Variants in SYN3 observed in about 807,000 individuals in gnomAD.
SYN3 encodes synapsin III, also known as synapsin-3.
In SYN3, 35 loss-of-function variants were observed where a neutral mutation model predicts 65.8. The observed-to-expected ratio is 0.53, with a 90% CI of 0.41 to 0.70. The LOEUF (loss-of-function observed/expected upper bound fraction) is 0.70, where lower values mean the gene tolerates loss of function less well. Among genes scored for constraint, SYN3 ranks in the 30% least tolerant of loss-of-function variants. The pLI, the probability that SYN3 is intolerant of heterozygous loss-of-function variation, is 0.00. For missense variants in SYN3, 680 were observed against 749.0 expected (o/e 0.91, Z 1.08); for synonymous variants, 270 against 292.9 (o/e 0.92, Z 0.80).
At position 32,673,098 on chromosome 22, in the gene SYN3, A is replaced by G. The variant is rs367777301; in HGVS notation, c.712-76362T>C. On this transcript the variant is annotated intron_variant, in intron 6 of 13. Transcript: ENST00000358763. ...GGTGTTGAGAAAAACACAAAACAAT[A>G]ACTCTTCCTTTCGCCTCCTAAGAAG... 4.1e-3 allele frequency among the ~76,000 whole-genome samples: 618 copies of G among 152,290 alleles called. 1 individual carries two copies. Among genetic ancestry groups the G allele is most frequent in the African/African-American group, 0.014 (573 of 41,558 alleles).
At chr22:32,575,497 A>G (rs898048827) in intron 7 of SYN3, among the ~76,000 whole-genome samples, 9 of 152,300 alleles carry the variant, frequency 5.9e-5, no homozygotes, top group African/African-American at 2.2e-4. Context: ...TGCCTCAGCT[A>G]CCTGCCCCTG....
At chr22:32,743,790 T>C (rs548776134) in intron 6 of SYN3, among the ~76,000 whole-genome samples, 8 of 152,094 alleles carry the variant, frequency 5.3e-5, no homozygotes, top group Non-Finnish European at 1.2e-4. Flanking sequence ...CTGAGGCAAC[T>C]GCAGAAGGCA....
At position 32,518,244 on chromosome 22, in the gene SYN3, C is replaced by T. The variant is rs5998526; in HGVS notation, c.1409G>A (p.Ser470Asn). The T allele has an allele frequency of 0.016, 25,231 of 1,613,380 alleles. 1,867 individuals are homozygous for T. The African/African-American group carries it at 0.21, about 13-fold the overall frequency. The change falls in exon 13 of 14, where the codon AGC (serine) becomes AAC (asparagine). Residue 470 changes from serine to asparagine, a missense_variant. Transcript: ENST00000358763. ...CTGCTGTGGAGATCCGGACTGGGGGCTCAGGGGCTGCTGGCCTTGTGGGGA... is the reference window on the plus strand; with the variant it reads ...CTGCTGTGGAGATCCGGACTGGGGGTTCAGGGGCTGCTGGCCTTGTGGGGA... Reference protein sequence around the residue: ...RLSPQGQQPLSPQSGSPQQQR... With the variant: ...RLSPQGQQPLNPQSGSPQQQR...
chr22:32,536,054 G>C (rs2058159928), intron 9 of SYN3, among the ~76,000 whole-genome samples: 1 of 152,242 alleles, frequency 6.6e-6, no homozygotes. Context: ...GGTTCCTCCA[G>C]GGATGGCCCA....
In SYN3 at chr22:32,714,915, G is replaced by A. The variant is rs999711787; in HGVS notation, c.712-118179C>T. Among the ~76,000 whole-genome samples the A allele has an allele frequency of 2.0e-5, 3 of 152,288 alleles. No individual in the cohort carries two copies. The East Asian group carries it at 5.8e-4, about 29-fold the overall frequency. ...AGCATATAGTAGATGCTCAATGAAT[G>A]TAAGTTCTTCCCGCTCATCTCCCAT... On this transcript the variant is annotated intron_variant, in intron 6 of 13. Transcript: ENST00000358763.
At chr22:32,946,791 T>C (rs902482660) in intron 3 of SYN3, among the ~76,000 whole-genome samples, 5 of 152,208 alleles carry the variant, frequency 3.3e-5, no homozygotes, top group South Asian at 2.1e-4. Flanking sequence ...TCTGATTGTT[T>C]TAGGGGGGAA....
rs540343928 is a variant in SYN3 at position 32,513,896 on chromosome 22, G to A, written c.1611-72C>T. 3.2e-6 allele frequency: 5 copies of A among 1,583,436 alleles called. 1 individual carries two copies. In the African/African-American group the frequency reaches 4.0e-5, roughly 13 times the overall value. ...TCAAAGAAATGGGTCTTGGGGGCTT[G>A]CCTGTAAGCCAGATGGGCTACCCCA... On this transcript the variant is annotated intron_variant, in intron 13 of 13. Coordinates refer to ENST00000358763, the MANE Select transcript of SYN3 (RefSeq NM_003490.4).
At chr22:32,641,607 C>CAAAAAAAAAAA (rs34461957) in intron 6 of SYN3, among the ~76,000 whole-genome samples, 1 of 67,962 alleles carries the variant, frequency 1.5e-5, no homozygotes, top group Non-Finnish European at 2.6e-5. Context: ...GACTCCATCT[C>CAAAAAAAAAAA]AAAAAAAAAA....
intron 1 of SYN3, among the ~76,000 whole-genome samples, chr22:33,028,100 C>A (rs1352311326): frequency 6.6e-6 from 1 of 152,158 alleles, no homozygotes; most frequent in Admixed American, 6.5e-5. Flanking sequence ...GTTTTAATTA[C>A]AGAATGTTGC....
chr22:32,731,565 T>C (rs748071611), intron 6 of SYN3, among the ~76,000 whole-genome samples: 10 of 152,152 alleles, frequency 6.6e-5, no homozygotes, highest in Non-Finnish European at 1.3e-4. Context: ...CCAGCAGTGA[T>C]GTCAAGGCCA....
chr22:32,941,910 C>T (rs9609661), intron 3 of SYN3, among the ~76,000 whole-genome samples: 1,979 of 152,306 alleles, frequency 0.013, 17 homozygotes, highest in Non-Finnish European at 0.021. Flanking sequence ...GAGGGGCATC[C>T]GCCATTGCTA....
chr22:33,013,011 G>T (rs1434139951), intron 1 of SYN3, among the ~76,000 whole-genome samples: 1 of 152,078 alleles, frequency 6.6e-6, no homozygotes, highest in African/African-American at 2.4e-5. Context: ...TTCAACTTAG[G>T]CTATGCCGTC....
chr22:32,572,273 C>CTTCCTTT (rs1424840920), intron 7 of SYN3, among the ~76,000 whole-genome samples: 2 of 71,258 alleles, frequency 2.8e-5, no homozygotes, highest in African/African-American at 1.8e-4. Context: ...CTTCCTTCCC[C>CTTCCTTT]CCTCCCTCCC....
At chr22:32,809,770 C>T (rs2046863247) in intron 6 of SYN3, among the ~76,000 whole-genome samples, 1 of 152,158 alleles carries the variant, frequency 6.6e-6, no homozygotes, top group Non-Finnish European at 1.5e-5. Flanking sequence ...CTCATGGGTT[C>T]CTGGGTGATT....
At chr22:32,970,235 T>A (rs1347734904) in intron 3 of SYN3, among the ~76,000 whole-genome samples, 1 of 152,156 alleles carries the variant, frequency 6.6e-6, no homozygotes, top group African/African-American at 2.4e-5. Flanking sequence ...AACTGAGGCA[T>A]GGGGCAGTTA....
At chr22:32,562,688 C>T (rs1053739008) in intron 7 of SYN3, among the ~76,000 whole-genome samples, 3 of 152,356 alleles carry the variant, frequency 2.0e-5, no homozygotes, top group South Asian at 2.1e-4. Flanking sequence ...GCCTCCCAGG[C>T]GAGATTCCAG....
chr22:32,747,229 T>A (rs1335736491), intron 6 of SYN3, among the ~76,000 whole-genome samples: 2 of 152,154 alleles, frequency 1.3e-5, no homozygotes, highest in Non-Finnish European at 2.9e-5. Flanking sequence ...CGAAGTGACT[T>A]GCCAGAAGTC....
chr22:33,012,046 G>GT (rs1428373900), intron 1 of SYN3, among the ~76,000 whole-genome samples: 2 of 151,922 alleles, frequency 1.3e-5, no homozygotes, highest in Non-Finnish European at 2.9e-5. Context: ...ACTTATTTCT[G>GT]TTTTTTATTA....
chr22:32,522,310 A>C (rs980865465), intron 12 of SYN3, among the ~76,000 whole-genome samples: 1 of 152,126 alleles, frequency 6.6e-6, no homozygotes, highest in Non-Finnish European at 1.5e-5. Flanking sequence ...TTGTTTTTCA[A>C]CTCACTAAAA....
Sources: gnomAD v4.1 joint callset for allele counts (sites outside exome capture counted in the v4.1 genomes callset) on GRCh38, gnomAD v4.1.1 for gene constraint, MANE v1.5 for transcripts, NCBI Gene and HGNC (gene_info 2026-07-23, HGNC 2026-07-21) for gene names.